The following HS3ST4 variants were observed in gnomAD, a reference collection of about 807,000 sequenced individuals.
The protein encoded by HS3ST4 is heparan sulfate glucosamine 3-O-sulfotransferase 4.
In HS3ST4, 17 loss-of-function variants were observed where a neutral mutation model predicts 29.2. The ratio of observed to expected loss-of-function variants is 0.58; its 90% CI spans 0.40 to 0.87. The LOEUF (loss-of-function observed/expected upper bound fraction) is 0.87, where lower values mean the gene tolerates loss of function less well. Among genes scored for constraint, HS3ST4 ranks in the 40% least tolerant of loss-of-function variants. The pLI, the probability that HS3ST4 is intolerant of heterozygous loss-of-function variation, is 0.00. For synonymous variants in HS3ST4, 314 were observed against 285.7 expected, an observed-to-expected ratio of 1.10 and a Z score of -1.00; for missense variants, 627 against 634.5, an observed-to-expected ratio of 0.99 and a Z score of 0.13.
chr16:25,773,116 G>A (rs1966844372), intron 1 of HS3ST4, among the ~76,000 whole-genome samples: 1 of 152,168 alleles, frequency 6.6e-6, no homozygotes, highest in Non-Finnish European at 1.5e-5. Flanking sequence ...ACTTGTGTGT[G>A]GCTTACAGCA....
chr16:26,096,906 T>G (rs1000265508), intron 1 of HS3ST4, among the ~76,000 whole-genome samples: 1 of 152,200 alleles, frequency 6.6e-6, no homozygotes, highest in African/African-American at 2.4e-5. Flanking sequence ...AAAATCAATG[T>G]GCAAAAATCA....
At chr16:25,944,363 A>T (rs2141693744) in intron 1 of HS3ST4, among the ~76,000 whole-genome samples, 2 of 152,360 alleles carry the variant, frequency 1.3e-5, no homozygotes, top group Middle Eastern at 3.4e-3. Flanking sequence ...TCCCTTAATG[A>T]AAGGGGTAAA....
At chr16:25,771,468 A>G (rs1966841931) in intron 1 of HS3ST4, among the ~76,000 whole-genome samples, 1 of 151,928 alleles carries the variant, frequency 6.6e-6, no homozygotes, top group East Asian at 1.9e-4. Flanking sequence ...GGGCCTTTGC[A>G]CAGACTCTCC....
At chr16:25,828,280 C>G (rs1218608539) in intron 1 of HS3ST4, among the ~76,000 whole-genome samples, 1 of 89,238 alleles carries the variant, frequency 1.1e-5, no homozygotes, top group Non-Finnish European at 2.2e-5. Flanking sequence ...TTCTTTCTTT[C>G]TTTCTTTCTT....
chr16:25,704,557 T>C (rs1966360957), intron 1 of HS3ST4, among the ~76,000 whole-genome samples: 1 of 152,076 alleles, frequency 6.6e-6, no homozygotes, highest in South Asian at 2.1e-4. Context: ...ACTCCTGGGC[T>C]CAAGTGATCT....
intron 1 of HS3ST4, among the ~76,000 whole-genome samples, chr16:26,089,373 G>C (rs941734222): frequency 1.2e-4 from 18 of 152,176 alleles, no homozygotes; most frequent in African/African-American, 4.1e-4. Context: ...GATAAAGCAT[G>C]TATCCAGCTT....
intron 1 of HS3ST4, among the ~76,000 whole-genome samples, chr16:25,693,595 A>T (rs572122641): frequency 6.6e-6 from 1 of 152,170 alleles, no homozygotes; most frequent in Non-Finnish European, 1.5e-5. Context: ...TCACCCTCAA[A>T]CGCATTTGCG....
intron 1 of HS3ST4, among the ~76,000 whole-genome samples, chr16:25,960,436 A>G (rs556029939): frequency 2.6e-5 from 4 of 152,336 alleles, no homozygotes; most frequent in African/African-American, 9.6e-5. Flanking sequence ...CAACTCCTAA[A>G]GTGGTTCTGC....
intron 1 of HS3ST4, among the ~76,000 whole-genome samples, chr16:25,860,068 G>A (rs1967621445): frequency 6.6e-6 from 1 of 152,190 alleles, no homozygotes; most frequent in Admixed American, 6.5e-5. Flanking sequence ...TAATTGACCT[G>A]AGGTGGAACA....
chr16:25,958,961 T>C (rs1596626746), intron 1 of HS3ST4, among the ~76,000 whole-genome samples: 2 of 152,176 alleles, frequency 1.3e-5, no homozygotes, highest in African/African-American at 4.8e-5. Flanking sequence ...GTAACCATAA[T>C]AAGTTCATTG....
At chr16:26,132,022 A>C (rs1003687840) in intron 1 of HS3ST4, among the ~76,000 whole-genome samples, 1 of 152,198 alleles carries the variant, frequency 6.6e-6, no homozygotes, top group East Asian at 1.9e-4. Flanking sequence ...CCTTCTCTGT[A>C]AAACTGGAGT....
intron 1 of HS3ST4, among the ~76,000 whole-genome samples, chr16:25,971,348 A>T (rs1968895049): frequency 6.6e-6 from 1 of 152,212 alleles, no homozygotes; most frequent in Non-Finnish European, 1.5e-5. Context: ...TAATTGCATC[A>T]TTTCTCAACT....
chr16:26,011,329 G>T (rs1596643809), intron 1 of HS3ST4, among the ~76,000 whole-genome samples: 1 of 151,762 alleles, frequency 6.6e-6, no homozygotes, highest in Non-Finnish European at 1.5e-5. Context: ...GGTGGCCAAG[G>T]CAGGCAGATC....
chr16:25,786,229 C>T (rs1966857489), intron 1 of HS3ST4, among the ~76,000 whole-genome samples: 1 of 152,074 alleles, frequency 6.6e-6, no homozygotes, highest in African/African-American at 2.4e-5. Flanking sequence ...CTCCTAAAAA[C>T]CCTCCCAACT....
chr16:26,107,798 G>C (rs896084993), intron 1 of HS3ST4, among the ~76,000 whole-genome samples: 2 of 152,134 alleles, frequency 1.3e-5, no homozygotes, highest in South Asian at 2.1e-4. Context: ...TCGGTTGATA[G>C]GCTCTTAGGT....
intron 1 of HS3ST4, among the ~76,000 whole-genome samples, chr16:25,710,067 C>A (rs1015927915): frequency 6.6e-6 from 1 of 151,968 alleles, no homozygotes; most frequent in Admixed American, 6.6e-5. Flanking sequence ...TGATTTTATG[C>A]CATTCTTTTC....
intron 1 of HS3ST4, among the ~76,000 whole-genome samples, chr16:25,816,620 C>T (rs1296858827): frequency 1.3e-5 from 2 of 152,276 alleles, no homozygotes; most frequent in East Asian, 3.9e-4. Flanking sequence ...GTGTTGATTT[C>T]AGAGGTGTCT....
At chr16:26,037,011 T>A (rs1969589268) in intron 1 of HS3ST4, among the ~76,000 whole-genome samples, 1 of 152,180 alleles carries the variant, frequency 6.6e-6, no homozygotes, top group African/African-American at 2.4e-5. Context: ...AACCCCTCCA[T>A]GACTTAAATT....
intron 1 of HS3ST4, among the ~76,000 whole-genome samples, chr16:25,942,907 C>T (rs1968586663): frequency 6.6e-6 from 1 of 152,156 alleles, no homozygotes; most frequent in Non-Finnish European, 1.5e-5. Context: ...CAGGTGCAAG[C>T]CACCATGCCC....
Sources: allele counts gnomAD v4.1 joint callset (sites outside exome capture counted in the v4.1 genomes callset), GRCh38; gene constraint gnomAD v4.1.1; transcripts MANE v1.5; gene names NCBI Gene and HGNC (gene_info 2026-07-23, HGNC 2026-07-21).